Variants in LRRTM4 observed in about 807,000 individuals in gnomAD.
LRRTM4 encodes leucine rich repeat transmembrane neuronal 4, also known as leucine-rich repeat transmembrane neuronal protein 4.
A neutral mutation model predicts 47.6 loss-of-function variants in LRRTM4; 25 were observed. The observed-to-expected ratio is 0.53, with a 90% CI of 0.38 to 0.73. The LOEUF is 0.73. Among genes scored for constraint, LRRTM4 ranks in the 30% least tolerant of loss-of-function variants. The pLI, the probability that LRRTM4 is intolerant of heterozygous loss-of-function variation, is 0.00. For missense variants in LRRTM4, 638 were observed against 713.4 expected (o/e 0.89, Z 1.20); for synonymous variants, 311 against 269.5 (o/e 1.15, Z -1.51).
In LRRTM4 at chr2:77,519,460, T is replaced by C; in HGVS notation, c.409A>G (p.Asn137Asp). The change falls in exon 3 of 4, where the codon AAT becomes GAT. Residue 137 changes from asparagine to aspartate, a missense_variant. Transcript: ENST00000409884. This position sits in a 1 kb window ranked among gnomAD's most constrained non-coding sequence, Gnocchi z 4.6. ...AGCTTATTGTAGGAGAGGTCCAGAT[T>C]GCGGAGATTGGGAACTGGGTGAAAT... ...KTFHPVPNLR[N>D]LDLSYNKLQT... 2.5e-6 allele frequency: 4 copies of C among 1,613,450 alleles called. No individual in the cohort carries two copies. The highest frequency in any genetic ancestry group is 3.4e-6 in the Non-Finnish European group (4 of 1,179,636).
intron 3 of LRRTM4, among the ~76,000 whole-genome samples, chr2:76,948,247 A>G (rs1410167651): frequency 1.3e-5 from 2 of 151,874 alleles, no homozygotes; most frequent in Non-Finnish European, 2.9e-5. Flanking sequence ...GATAGAAGTG[A>G]TGACAAATTT....
At chr2:76,807,408 GTATATATATATATATACATA>G (rs1670526605) in intron 3 of LRRTM4, among the ~76,000 whole-genome samples, 1 of 40,310 alleles carries the variant, frequency 2.5e-5, no homozygotes, top group South Asian at 1.1e-3. Flanking sequence ...ATGTATATAC[GTATATATATATATATACATA>G]TATATATACG....
At chr2:77,187,935 C>G (rs540015542) in intron 3 of LRRTM4, among the ~76,000 whole-genome samples, 2 of 152,120 alleles carry the variant, frequency 1.3e-5, no homozygotes, top group South Asian at 4.2e-4. Flanking sequence ...TAAAACACAA[C>G]TGTTACAAAT....
chr2:77,395,165 G>C (rs991220519), intron 3 of LRRTM4, among the ~76,000 whole-genome samples: 1 of 151,762 alleles, frequency 6.6e-6, no homozygotes, highest in Non-Finnish European at 1.5e-5. Flanking sequence ...TAACATTATT[G>C]CTGGTCAGTT....
intron 3 of LRRTM4, among the ~76,000 whole-genome samples, chr2:77,260,820 A>C (rs527939419): frequency 6.6e-6 from 1 of 152,260 alleles, no homozygotes; most frequent in East Asian, 1.9e-4. Context: ...GAGCCTGATC[A>C]AAATGCAGTT....
At chr2:77,518,075 T>A (rs980111715) in intron 3 of LRRTM4, 14 of 1,249,070 alleles carry the variant, frequency 1.1e-5, no homozygotes, top group Non-Finnish European at 1.4e-5. Context: ...TGTTTTAACA[T>A]AGTGCTTTAT....
At chr2:77,157,017 T>C (rs1391878803) in intron 3 of LRRTM4, among the ~76,000 whole-genome samples, 1 of 152,142 alleles carries the variant, frequency 6.6e-6, no homozygotes, top group Non-Finnish European at 1.5e-5. Context: ...CAAACAGTAA[T>C]AACAATTGTT....
chr2:76,839,845 A>G (rs1047172102), intron 3 of LRRTM4, among the ~76,000 whole-genome samples: 7 of 152,200 alleles, frequency 4.6e-5, no homozygotes, highest in African/African-American at 1.7e-4. Flanking sequence ...AAAAGAAAGT[A>G]TTTGTTCCTT....
intron 3 of LRRTM4, among the ~76,000 whole-genome samples, chr2:77,441,692 C>T (rs1227773978): frequency 6.6e-6 from 1 of 152,062 alleles, no homozygotes; most frequent in East Asian, 1.9e-4. Flanking sequence ...CACAAAATAT[C>T]TTATTTCAAT....
intron 3 of LRRTM4, among the ~76,000 whole-genome samples, chr2:76,760,405 G>T (rs946367395): frequency 2.6e-5 from 4 of 152,298 alleles, no homozygotes; most frequent in African/African-American, 7.2e-5. Context: ...GTGAAAAGTG[G>T]CAAGGAAGGA....
intron 3 of LRRTM4, among the ~76,000 whole-genome samples, chr2:76,816,664 T>C (rs1670905265): frequency 6.6e-6 from 1 of 151,830 alleles, no homozygotes; most frequent in Admixed American, 6.6e-5. Flanking sequence ...TTCCCAGATG[T>C]TTCATAACCT....
At chr2:77,087,890 T>G (rs1331165526) in intron 3 of LRRTM4, among the ~76,000 whole-genome samples, 4 of 152,022 alleles carry the variant, frequency 2.6e-5, no homozygotes, top group Non-Finnish European at 5.9e-5. Context: ...AATAAAGTAG[T>G]GAAAATATGC....
At chr2:77,505,606 T>A (rs139696112) in intron 3 of LRRTM4, among the ~76,000 whole-genome samples, 2 of 151,636 alleles carry the variant, frequency 1.3e-5, no homozygotes, top group African/African-American at 2.4e-5. Flanking sequence ...ATAAGAAATG[T>A]AACTATTAAA....
At chr2:76,974,489 T>C (rs542480539) in intron 3 of LRRTM4, among the ~76,000 whole-genome samples, 22 of 150,636 alleles carry the variant, frequency 1.5e-4, no homozygotes, top group Admixed American at 1.0e-3. Flanking sequence ...CTACTATCTA[T>C]ACAAACTTGT....
intron 3 of LRRTM4, among the ~76,000 whole-genome samples, chr2:76,983,092 T>A (rs1424716518): frequency 6.6e-6 from 1 of 152,080 alleles, no homozygotes; most frequent in Non-Finnish European, 1.5e-5. Context: ...TTTTAAATAA[T>A]AGTTCACTTA....
At chr2:77,319,916 A>G (rs1252680939) in intron 3 of LRRTM4, among the ~76,000 whole-genome samples, 2 of 152,218 alleles carry the variant, frequency 1.3e-5, no homozygotes, top group African/African-American at 4.8e-5. Flanking sequence ...TCTGAGAACC[A>G]TCATAGAACA....
chr2:77,277,256 C>G (rs1350121087), intron 3 of LRRTM4, among the ~76,000 whole-genome samples: 1 of 151,926 alleles, frequency 6.6e-6, no homozygotes, highest in African/African-American at 2.4e-5. Flanking sequence ...ATAAATTTTA[C>G]TATTTTTAGT....
chr2:77,286,371 T>C (rs1676657773), intron 3 of LRRTM4, among the ~76,000 whole-genome samples: 1 of 152,156 alleles, frequency 6.6e-6, no homozygotes, highest in South Asian at 2.1e-4. Context: ...ATATTAATTT[T>C]TTAAATTGTT....
At chr2:77,007,161 T>C (rs562394965) in intron 3 of LRRTM4, among the ~76,000 whole-genome samples, 13 of 151,600 alleles carry the variant, frequency 8.6e-5, no homozygotes, top group African/African-American at 2.2e-4. Flanking sequence ...GGAATATATA[T>C]ATATACACAC....
Sources: allele counts gnomAD v4.1 joint callset (sites outside exome capture counted in the v4.1 genomes callset), GRCh38; gene constraint gnomAD v4.1.1; non-coding constraint Gnocchi (gnomAD v3.1); transcripts MANE v1.5; gene names NCBI Gene and HGNC (gene_info 2026-07-23, HGNC 2026-07-21).